Variants in DSCAM observed in about 807,000 individuals in gnomAD.
DSCAM encodes cell adhesion molecule DSCAM.
In DSCAM, 47 loss-of-function variants were observed where a neutral mutation model predicts 217.7. That is an observed-to-expected ratio of 0.22 (90% CI 0.17 to 0.28). The LOEUF (loss-of-function observed/expected upper bound fraction) is 0.28. DSCAM is among the 10% of genes least tolerant of loss of function. The pLI, the probability that DSCAM is intolerant of heterozygous loss-of-function variation, is 1.00. For missense variants in DSCAM, 2,080 were observed against 2,618.3 expected (o/e 0.79, Z 4.49); for synonymous variants, 1,056 against 1,015.3 (o/e 1.04, Z -0.76).
At chr21:40,532,706 C>G (rs1369719957) in intron 3 of DSCAM, among the ~76,000 whole-genome samples, 1 of 151,958 alleles carries the variant, frequency 6.6e-6, no homozygotes, top group African/African-American at 2.4e-5. Context: ...GACATAAGTA[C>G]AGAGACTCAA....
chr21:40,747,079 A>G (rs764569133), intron 1 of DSCAM, among the ~76,000 whole-genome samples: 12 of 151,888 alleles, frequency 7.9e-5, no homozygotes, highest in Non-Finnish European at 1.3e-4. Flanking sequence ...CTAAGAGGGA[A>G]TTTTACTGTG....
At chr21:40,043,969 T>C in intron 31 of DSCAM, 109 bp downstream of exon 31, 1 of 1,108,806 alleles carries the variant, frequency 9.0e-7, no homozygotes, top group Non-Finnish European at 1.3e-6. Context: ...CAAAAGAACA[T>C]AAGTAAGAGG....
At chr21:40,704,950 C>G (rs569618915) in intron 2 of DSCAM, among the ~76,000 whole-genome samples, 1 of 152,230 alleles carries the variant, frequency 6.6e-6, no homozygotes, top group African/African-American at 2.4e-5. Context: ...CTAAACTGGC[C>G]TAACAGATTC....
chr21:40,285,796 CCTT>C (rs1298971451), intron 10 of DSCAM, among the ~76,000 whole-genome samples: 5 of 152,196 alleles, frequency 3.3e-5, no homozygotes, highest in Admixed American at 2.6e-4. Flanking sequence ...AGAGATGTTG[CCTT>C]CTTCTCGTTT....
At position 40,364,567 on chromosome 21, in the gene DSCAM, T is replaced by G. The variant is rs528550539; in HGVS notation, c.655+4532A>C. On this transcript the variant is annotated intron_variant, in intron 4 of 32. Transcript: ENST00000400454. Reference sequence around the variant, plus strand: ...GGGGGAGGGATAGCACTGGGAGATATACCTAATGTTAAATGACGAGTTAAT... The same window carrying G: ...GGGGGAGGGATAGCACTGGGAGATAGACCTAATGTTAAATGACGAGTTAAT... Among the ~76,000 whole-genome samples, 257 of 150,472 alleles carry G rather than the reference T, an allele frequency of 1.7e-3. 2 individuals carry two copies. Among genetic ancestry groups the G allele is most frequent in the African/African-American group, 4.8e-3 (195 of 41,022 alleles).
intron 25 of DSCAM, among the ~76,000 whole-genome samples, chr21:40,079,491 A>T (rs1172462384): frequency 6.6e-6 from 1 of 152,166 alleles, no homozygotes; most frequent in Non-Finnish European, 1.5e-5. Context: ...GGCACCAGGC[A>T]CAAATAATAC....
At chr21:40,450,970 A>G (rs2075714248) in intron 3 of DSCAM, among the ~76,000 whole-genome samples, 1 of 152,218 alleles carries the variant, frequency 6.6e-6, no homozygotes, top group East Asian at 1.9e-4. Context: ...GTTGGTGGGC[A>G]TTCTGGCCAG....
At chr21:40,581,685 C>T (rs2076906746) in intron 3 of DSCAM, among the ~76,000 whole-genome samples, 1 of 152,102 alleles carries the variant, frequency 6.6e-6, no homozygotes, top group South Asian at 2.1e-4. Context: ...AGCTATTTTT[C>T]CCACTGTTAG....
At chr21:40,079,542 A>T (rs1601308732) in intron 25 of DSCAM, among the ~76,000 whole-genome samples, 1 of 151,900 alleles carries the variant, frequency 6.6e-6, no homozygotes, top group East Asian at 1.9e-4. Flanking sequence ...ATCTGACCCC[A>T]CCCCACCTGG....
chr21:40,530,476 A>G (rs756745712), intron 3 of DSCAM, among the ~76,000 whole-genome samples: 18 of 152,236 alleles, frequency 1.2e-4, no homozygotes, highest in Non-Finnish European at 2.1e-4. Context: ...TAAATGCTCT[A>G]TCCCATTCTG....
intron 11 of DSCAM, among the ~76,000 whole-genome samples, chr21:40,221,080 A>T (rs1384097903): frequency 6.6e-6 from 1 of 152,194 alleles, no homozygotes; most frequent in East Asian, 1.9e-4. Flanking sequence ...CAAAGTAAGG[A>T]TTTAAATTCA....
chr21:40,211,717 C>T (rs549117867), intron 11 of DSCAM, among the ~76,000 whole-genome samples: 1 of 149,400 alleles, frequency 6.7e-6, no homozygotes, highest in East Asian at 2.0e-4. Flanking sequence ...TAGATTCTCA[C>T]CAAAATACCT....
At chr21:40,276,041 C>A (rs1255661023) in intron 11 of DSCAM, 56 bp downstream of exon 11, 4 of 1,449,110 alleles carry the variant, frequency 2.8e-6, no homozygotes, top group Non-Finnish European at 3.7e-6. Flanking sequence ...AAAAAGGAAG[C>A]CCCCAGAGAC....
rs1601316920 is a variant in DSCAM at position 40,087,351 on chromosome 21, T to C, written c.3851-64A>G. On this transcript the variant is annotated intron_variant, in intron 21 of 32. Transcript: ENST00000400454. ...AGACGTGTCTACACAGAGGCCAACA[T>C]GACCTACTCAATAAGGGCAATACCT... 5 of 1,261,250 alleles carry C rather than the reference T, an allele frequency of 4.0e-6. No homozygotes were observed. The East Asian group carries it at 1.2e-4, about 29-fold the overall frequency. 78.1% of individuals were successfully genotyped at this position (1,261,250 alleles called of 1,614,324 possible).
chr21:40,599,735 G>C (rs1302991846), intron 3 of DSCAM, among the ~76,000 whole-genome samples: 1 of 152,092 alleles, frequency 6.6e-6, no homozygotes, highest in African/African-American at 2.4e-5. Context: ...AAGAAGAAAA[G>C]AGAGAAGAAT....
intron 3 of DSCAM, among the ~76,000 whole-genome samples, chr21:40,520,599 G>C (rs1005139072): frequency 1.3e-5 from 2 of 152,044 alleles, no homozygotes; most frequent in African/African-American, 4.8e-5. Flanking sequence ...ACGAGATCAG[G>C]AGTTCGAGAC....
chr21:40,640,201 G>T (rs972929861), intron 3 of DSCAM, among the ~76,000 whole-genome samples: 1 of 119,220 alleles, frequency 8.4e-6, no homozygotes, highest in Admixed American at 1.0e-4. Flanking sequence ...AAAACTATGG[G>T]AAGGTGGGAC....
intron 3 of DSCAM, among the ~76,000 whole-genome samples, chr21:40,642,053 A>C (rs544687028): frequency 6.8e-6 from 1 of 146,582 alleles, no homozygotes; most frequent in African/African-American, 2.5e-5. Flanking sequence ...AAAAAAAAAA[A>C]AAAAAACAAA....
chr21:40,153,405 A>G lies in DSCAM; in HGVS notation c.3019-8674T>C, dbSNP rs143642347. The stretch of plus-strand genomic sequence containing the variant: ...TTCACCTGAGCTAAAGGGTGACTGG[A>G]CATTGCCTTGGAGGGTACAATGCTG... On this transcript the variant is annotated intron_variant, in intron 16 of 32. Coordinates refer to ENST00000400454, the MANE Select transcript of DSCAM (RefSeq NM_001389.5). Among the ~76,000 whole-genome samples the G allele has an allele frequency of 9.2e-5, 14 of 152,314 alleles. No individual in the cohort carries two copies. The East Asian group carries it at 2.5e-3, about 27-fold the overall frequency.
Sources: allele counts gnomAD v4.1 joint callset (sites outside exome capture counted in the v4.1 genomes callset), GRCh38; gene constraint gnomAD v4.1.1; transcripts MANE v1.5; gene names NCBI Gene and HGNC (gene_info 2026-07-23, HGNC 2026-07-21).